The following CNTN6 variants were observed in gnomAD, a reference collection of about 807,000 sequenced individuals.
CNTN6 encodes contactin-6.
Under a neutral mutation model 122.8 loss-of-function variants are expected in CNTN6, and 137 were observed. The ratio of observed to expected loss-of-function variants is 1.12; its 90% CI spans 0.97 to 1.29. The LOEUF (loss-of-function observed/expected upper bound fraction) is 1.29. Ranked by LOEUF, CNTN6 falls within the 50% of genes most tolerant of loss-of-function variation. The pLI is 0.00. For synonymous variants in CNTN6, 570 were observed against 426.0 expected (o/e 1.34, Z -4.16); for missense variants, 1,634 against 1,223.4 (o/e 1.34, Z -5.01).
intron 2 of CNTN6, among the ~76,000 whole-genome samples, chr3:1,176,445 G>T (rs577481272): frequency 6.6e-6 from 1 of 152,290 alleles, no homozygotes; most frequent in East Asian, 1.9e-4. Context: ...GAGGCTGTTT[G>T]ATTCAACCTG....
chr3:1,345,165 G>A (rs1320264532), intron 11 of CNTN6, among the ~76,000 whole-genome samples: 1 of 149,436 alleles, frequency 6.7e-6, no homozygotes, highest in Non-Finnish European at 1.5e-5. Flanking sequence ...CCACCAGGCT[G>A]TAGTGCGGTG....
rs1559594996 is a variant in CNTN6, at chr3:1,245,216, ATATATATATATATATATATACACAC to A, written c.358+17224_358+17248del. ...AAATGTGATATATATATATATATAT[ATATATATATATATATATATACACAC>A]ACACATATATATATAACATATATAT... On this transcript the variant is annotated intron_variant, in intron 4 of 22. Coordinates refer to ENST00000446702, the MANE Select transcript of CNTN6 (RefSeq NM_001289080.2). Among the ~76,000 whole-genome samples the A allele has an allele frequency of 8.1e-5, 2 of 24,548 alleles. 1 individual carries two copies. The highest frequency in any genetic ancestry group is 6.4e-4 in the African/African-American group (2 of 3,108). The allele number at this position is 24,548 out of a possible 152,430, so 16.1% of individuals were successfully genotyped here. A position where few individuals can be genotyped will look rare whatever the true frequency, so the allele number is the denominator to read the frequency against.
At chr3:1,345,228 C>T (rs535233996) in intron 11 of CNTN6, among the ~76,000 whole-genome samples, 7 of 151,892 alleles carry the variant, frequency 4.6e-5, no homozygotes, top group Middle Eastern at 3.4e-3. Context: ...GTGATTCTCC[C>T]GCCTCAGCCT....
intron 2 of CNTN6, among the ~76,000 whole-genome samples, chr3:1,202,375 C>T (rs923053903): frequency 3.3e-5 from 5 of 151,630 alleles, no homozygotes; most frequent in Non-Finnish European, 7.4e-5. Flanking sequence ...CGCGTCTCTA[C>T]TAAAAATACA....
chr3:1,205,950 T>C (rs529261143), intron 2 of CNTN6, among the ~76,000 whole-genome samples: 96 of 152,338 alleles, frequency 6.3e-4, no homozygotes, highest in African/African-American at 1.8e-3. Flanking sequence ...CTGCATTTCA[T>C]TGGACACAGT....
intron 2 of CNTN6, among the ~76,000 whole-genome samples, chr3:1,182,641 A>G (rs1204888139): frequency 1.3e-5 from 2 of 151,898 alleles, no homozygotes; most frequent in Admixed American, 1.3e-4. Context: ...AATGTAACTC[A>G]TATACAAAGT....
chr3:1,360,632 C>A, intron 12 of CNTN6, among the ~76,000 whole-genome samples: 1 of 151,242 alleles, frequency 6.6e-6, no homozygotes, highest in Non-Finnish European at 1.5e-5. Flanking sequence ...TCTTAGTCTT[C>A]ATTTTATAGC....
chr3:1,266,155 C>A (rs1229440376), intron 4 of CNTN6, among the ~76,000 whole-genome samples: 1 of 151,810 alleles, frequency 6.6e-6, no homozygotes, highest in Non-Finnish European at 1.5e-5. Context: ...AATGAAAATG[C>A]TTTGGAAAAA....
chr3:1,309,108 C>T (rs1698832215), intron 7 of CNTN6, among the ~76,000 whole-genome samples: 1 of 152,050 alleles, frequency 6.6e-6, no homozygotes, highest in Non-Finnish European at 1.5e-5. Context: ...TTAACAATGT[C>T]CTTAACAAAG....
At chr3:1,402,017 T>C (rs1236842173) in intron 21 of CNTN6, among the ~76,000 whole-genome samples, 1 of 151,934 alleles carries the variant, frequency 6.6e-6, no homozygotes, top group Non-Finnish European at 1.5e-5. Flanking sequence ...ATTCAACATT[T>C]GAAATGGGTC....
intron 7 of CNTN6, among the ~76,000 whole-genome samples, chr3:1,306,971 G>A (rs1038129641): frequency 2.6e-5 from 4 of 152,070 alleles, no homozygotes; most frequent in Admixed American, 1.3e-4. Flanking sequence ...CATTCACTTA[G>A]CAAATATGTA....
intron 11 of CNTN6, 57 bp downstream of exon 11, chr3:1,329,992 T>A: frequency 7.3e-7 from 1 of 1,364,640 alleles, no homozygotes; most frequent in Non-Finnish European, 9.6e-7. Context: ...ATCTTCCAAA[T>A]TTTTAGGTTT....
At chr3:1,208,734 A>G (rs150777339) in intron 2 of CNTN6, among the ~76,000 whole-genome samples, 1,927 of 152,192 alleles carry the variant, frequency 0.013, 25 homozygotes, top group Non-Finnish European at 0.02. Flanking sequence ...TCATTTTCTC[A>G]TCTTTAAAAT....
intron 4 of CNTN6, among the ~76,000 whole-genome samples, chr3:1,264,451 G>A (rs1181427717): frequency 2.0e-5 from 3 of 152,154 alleles, no homozygotes; most frequent in South Asian, 2.1e-4. Context: ...TCTTTGAGGA[G>A]CAGCCACATA....
chr3:1,219,608 G>A (rs1354256591), intron 2 of CNTN6, among the ~76,000 whole-genome samples: 1 of 152,164 alleles, frequency 6.6e-6, no homozygotes, highest in African/African-American at 2.4e-5. Context: ...ATTCAGACAA[G>A]CCCAAATGAG....
chr3:1,249,533 G>C (rs1253777224), intron 4 of CNTN6, among the ~76,000 whole-genome samples: 1 of 152,158 alleles, frequency 6.6e-6, no homozygotes, highest in South Asian at 2.1e-4. Context: ...ATCCTCCTAG[G>C]CAGTGTTTCT....
At chr3:1,301,766 C>T (rs749584954) in intron 7 of CNTN6, among the ~76,000 whole-genome samples, 2 of 152,190 alleles carry the variant, frequency 1.3e-5, no homozygotes, top group Non-Finnish European at 2.9e-5. Context: ...AACAATCTTA[C>T]ATTTTGTGTA....
chr3:1,199,433 G>GC (rs542986695), intron 2 of CNTN6, among the ~76,000 whole-genome samples: 8 of 151,704 alleles, frequency 5.3e-5, no homozygotes, highest in Non-Finnish European at 1.2e-4. Context: ...CCCCACCTTG[G>GC]CCCCCCAAAG....
intron 2 of CNTN6, among the ~76,000 whole-genome samples, chr3:1,200,144 C>T (rs1203973142): frequency 1.3e-5 from 2 of 152,134 alleles, no homozygotes; most frequent in African/African-American, 2.4e-5. Context: ...AGTGACTCTC[C>T]TGCTTCAGTC....
Sources: allele counts gnomAD v4.1 joint callset (sites outside exome capture counted in the v4.1 genomes callset), GRCh38; gene constraint gnomAD v4.1.1; transcripts MANE v1.5; gene names NCBI Gene and HGNC (gene_info 2026-07-23, HGNC 2026-07-21).